The following TIMM23 variants were observed in gnomAD, a reference collection of about 807,000 sequenced individuals.
The protein encoded by TIMM23 is translocase of inner mitochondrial membrane 23.
In TIMM23, 19 loss-of-function variants were observed where a neutral mutation model predicts 30.7. The observed-to-expected ratio is 0.62, with a 90% CI of 0.43 to 0.91. The LOEUF is 0.91. Among genes scored for constraint, TIMM23 ranks in the 40% least tolerant of loss-of-function variants. The pLI, the probability that TIMM23 is intolerant of heterozygous loss-of-function variation, is 0.00. For missense variants in TIMM23, 202 were observed against 269.2 expected (o/e 0.75, Z 1.75); for synonymous variants, 78 against 98.5 (o/e 0.79, Z 1.23).
At chr10:45,995,893 GAC>G (rs1838313978) in intron 6 of TIMM23, among the ~76,000 whole-genome samples, 1 of 144,138 alleles carries the variant, frequency 6.9e-6, no homozygotes, top group South Asian at 2.1e-4. Context: ...TAAGACTTAA[GAC>G]TCTTAGGTCT....
At chr10:45,978,456 G>T (rs1396529873) in intron 2 of TIMM23, among the ~76,000 whole-genome samples, 2 of 152,120 alleles carry the variant, frequency 1.3e-5, no homozygotes, top group Non-Finnish European at 2.9e-5. Flanking sequence ...TTTAACTCTT[G>T]AAACATTAAT....
intron 1 of TIMM23, 73 bp from the exon 2 acceptor site, chr10:45,975,381 A>G: frequency 6.5e-7 from 1 of 1,542,858 alleles, no homozygotes. Flanking sequence ...TGTAACAGTC[A>G]GGAGCTGGAT....
intron 2 of TIMM23, among the ~76,000 whole-genome samples, chr10:45,982,285 G>A (rs1169915283): frequency 2.0e-5 from 3 of 152,174 alleles, no homozygotes; most frequent in African/African-American, 4.8e-5. Flanking sequence ...TCAGATTTAC[G>A]TTTTGAAGGA....
chr10:45,998,590 A>G (rs1273401460), intron 6 of TIMM23, among the ~76,000 whole-genome samples: 1 of 152,210 alleles, frequency 6.6e-6, no homozygotes, highest in African/African-American at 2.4e-5. Context: ...CCCTGGAATT[A>G]ACGGAAACAG....
chr10:45,999,744 A>ATT (rs1838462402), intron 6 of TIMM23, among the ~76,000 whole-genome samples: 1 of 152,132 alleles, frequency 6.6e-6, no homozygotes, highest in Admixed American at 6.5e-5. Flanking sequence ...TCTGACCAAA[A>ATT]TTTATTAGGC....
chr10:45,998,245 C>T, intron 6 of TIMM23: 1 of 294,760 alleles, frequency 3.4e-6, no homozygotes. Flanking sequence ...AAGTCATTGT[C>T]ATTTGAATGC....
intron 6 of TIMM23, among the ~76,000 whole-genome samples, chr10:45,996,063 T>G (rs1482821564): frequency 1.3e-5 from 2 of 149,026 alleles, no homozygotes; most frequent in African/African-American, 5.2e-5. Flanking sequence ...ATTAAGCTAT[T>G]TAAAACAGAA....
intron 1 of TIMM23, among the ~76,000 whole-genome samples, chr10:45,973,200 CTAGGAAACCTTCTT>C (rs1467803629): frequency 6.6e-6 from 1 of 151,930 alleles, no homozygotes; most frequent in Non-Finnish European, 1.5e-5. Context: ...TTGGGACAGG[CTAGGAAACCTTCTT>C]TAGGAGCTAG....
At chr10:45,990,582 T>C in intron 6 of TIMM23, 1 of 352,374 alleles carries the variant, frequency 2.8e-6, no homozygotes, top group Non-Finnish European at 5.4e-6. Flanking sequence ...CACACCCAGC[T>C]AATTATTTTT....
intron 2 of TIMM23, among the ~76,000 whole-genome samples, chr10:45,975,839 T>C (rs1435241312): frequency 1.3e-5 from 2 of 152,212 alleles, no homozygotes; most frequent in Non-Finnish European, 2.9e-5. Flanking sequence ...TTTGCTTTTG[T>C]CCTCCAGGCT....
chr10:45,985,191 G>A (rs1214597774), intron 4 of TIMM23, among the ~76,000 whole-genome samples, 192 bp from the exon 5 acceptor site: 1 of 151,966 alleles, frequency 6.6e-6, no homozygotes, highest in African/African-American at 2.4e-5. Flanking sequence ...AGTTTTGAAA[G>A]TTTTAACCTA....
At chr10:45,987,394 G>C (rs1838021130) in intron 5 of TIMM23, among the ~76,000 whole-genome samples, 1 of 152,102 alleles carries the variant, frequency 6.6e-6, no homozygotes, top group Non-Finnish European at 1.5e-5. Flanking sequence ...CCTGGAGATA[G>C]CATTAGATCA....
intron 1 of TIMM23, among the ~76,000 whole-genome samples, chr10:45,974,826 G>A (rs1385382748): frequency 4.6e-5 from 7 of 151,994 alleles, no homozygotes; most frequent in Non-Finnish European, 8.8e-5. Context: ...AATAACTGCT[G>A]AGATACAGAA....
chr10:45,975,320 A>C, intron 1 of TIMM23, 134 bp from the exon 2 acceptor site: 4 of 1,226,166 alleles, frequency 3.3e-6, no homozygotes, highest in Non-Finnish European at 4.7e-6. Context: ...GGGAGGATAA[A>C]ATGGGAAAAA....
chr10:45,978,669 C>T (rs1837748630), intron 2 of TIMM23, among the ~76,000 whole-genome samples: 1 of 151,948 alleles, frequency 6.6e-6, no homozygotes, highest in Non-Finnish European at 1.5e-5. Flanking sequence ...AGAAATTGGA[C>T]CTCTGTACAT....
chr10:45,994,875 C>A (rs1310523303), intron 6 of TIMM23, among the ~76,000 whole-genome samples: 1 of 152,116 alleles, frequency 6.6e-6, no homozygotes, highest in African/African-American at 2.4e-5. Context: ...AGGTCATTTC[C>A]AAATCTATGA....
intron 5 of TIMM23, among the ~76,000 whole-genome samples, chr10:45,988,170 C>T (rs1838052259): frequency 6.6e-6 from 1 of 152,182 alleles, no homozygotes; most frequent in African/African-American, 2.4e-5. Flanking sequence ...GAAGCATGGA[C>T]AACCTTATAG....
rs571757031 is a variant in TIMM23, at chr10:46,003,338, A to G, written c.*20A>G. Reference sequence around the variant, plus strand: ...CTCTGAAGATTTTGCCAACTCATGAATGGAGGACACTTCAGTAGTCATCTA... The same window carrying G: ...CTCTGAAGATTTTGCCAACTCATGAGTGGAGGACACTTCAGTAGTCATCTA... On this transcript the variant is annotated 3_prime_UTR_variant, in exon 7 of 7. Coordinates refer to ENST00000580018, the MANE Select transcript of TIMM23 (RefSeq NM_006327.4). The G allele has an allele frequency of 4.5e-6, 7 of 1,541,824 alleles. No individual in the cohort carries two copies. The highest frequency in any genetic ancestry group is 5.4e-6 in the Non-Finnish European group (6 of 1,114,302).
chr10:45,997,200 T>C (rs1475263980), intron 6 of TIMM23, among the ~76,000 whole-genome samples: 7 of 151,920 alleles, frequency 4.6e-5, no homozygotes, highest in Non-Finnish European at 7.4e-5. Context: ...CCAGCCTAGG[T>C]GACCCTGTCT....
Sources: gnomAD v4.1 joint callset for allele counts (sites outside exome capture counted in the v4.1 genomes callset) on GRCh38, gnomAD v4.1.1 for gene constraint, MANE v1.5 for transcripts, NCBI Gene and HGNC (gene_info 2026-07-23, HGNC 2026-07-21) for gene names.